NTRK3: variants seen among roughly 807,000 people sequenced by gnomAD.
NTRK3 encodes the protein neurotrophic receptor tyrosine kinase 3.
Under a neutral mutation model 91.7 loss-of-function variants are expected in NTRK3, and 24 were observed. The observed-to-expected ratio is 0.26, with a 90% confidence interval of 0.19 to 0.37. The LOEUF (loss-of-function observed/expected upper bound fraction) is 0.37, where lower values mean the gene tolerates loss of function less well. Ranked by LOEUF, NTRK3 falls within the 10% of genes least tolerant of loss-of-function variation. NTRK3 has a pLI of 1.00. For synonymous variants in NTRK3, 483 were observed against 404.0 expected (o/e 1.20, Z -2.34); for missense variants, 880 against 1,068.9 (o/e 0.82, Z 2.46).
At chr15:87,981,269 T>C (rs903138367) in intron 14 of NTRK3, 11 of 1,592,230 alleles carry the variant, frequency 6.9e-6, no homozygotes, top group Non-Finnish European at 8.6e-6. Flanking sequence ...GGACCTCAGG[T>C]TCCTCATATA....
At chr15:88,206,658 GAA>G (rs758639696) in intron 3 of NTRK3, among the ~76,000 whole-genome samples, 614 of 59,580 alleles carry the variant, frequency 0.01, 5 homozygotes, top group African/African-American at 0.03. Context: ...ACTCCGTCTC[GAA>G]AAAAAAAAAA....
chr15:88,187,046 A>G (rs2047002437), intron 3 of NTRK3, among the ~76,000 whole-genome samples: 1 of 152,234 alleles, frequency 6.6e-6, no homozygotes, highest in Admixed American at 6.5e-5. Context: ...AGTGTGGGGC[A>G]CATGTAAGTT....
intron 5 of NTRK3, among the ~76,000 whole-genome samples, chr15:88,156,762 G>T (rs1368163120): frequency 6.6e-6 from 1 of 152,182 alleles, no homozygotes; most frequent in Non-Finnish European, 1.5e-5. Context: ...AGCTGTGCCT[G>T]TGTTGGCCTC....
At chr15:88,061,580 A>T (rs894703745) in intron 13 of NTRK3, among the ~76,000 whole-genome samples, 6 of 152,244 alleles carry the variant, frequency 3.9e-5, no homozygotes, top group Admixed American at 6.5e-5. Context: ...GCCTGGCTGG[A>T]GAGGATGGGC....
At position 87,969,231 on chromosome 15, in the gene NTRK3, C is replaced by T. The variant is rs191450000; in HGVS notation, c.1586-28478G>A. Reference sequence around the variant, plus strand: ...CTTCCCACTCATATCAGAGCAGGGGCCTTCCGAATCCCTGCTTGAAGAGGC... The same window carrying T: ...CTTCCCACTCATATCAGAGCAGGGGTCTTCCGAATCCCTGCTTGAAGAGGC... On this transcript the variant is annotated intron_variant, in intron 14 of 18. Coordinates refer to ENST00000394480, the Ensembl canonical transcript of NTRK3. Among the ~76,000 whole-genome samples the T allele has an allele frequency of 3.6e-4, 55 of 152,252 alleles. 2 individuals carry two copies. In the East Asian group the frequency reaches 0.01, roughly 29 times the overall value.
chr15:88,026,095 C>A (rs1027236208), intron 14 of NTRK3, among the ~76,000 whole-genome samples: 2 of 152,080 alleles, frequency 1.3e-5, no homozygotes, highest in African/African-American at 4.8e-5. Flanking sequence ...CACGGTGAAA[C>A]CCCTTCTCTA....
intron 3 of NTRK3, among the ~76,000 whole-genome samples, chr15:88,205,623 G>A (rs904497924): frequency 5.3e-5 from 8 of 152,120 alleles, no homozygotes; most frequent in African/African-American, 1.2e-4. Context: ...CACACAGCCC[G>A]CTTCTGAACA....
chr15:88,129,832 T>C (rs759272012), intron 10 of NTRK3, among the ~76,000 whole-genome samples: 1 of 152,208 alleles, frequency 6.6e-6, no homozygotes, highest in African/African-American at 2.4e-5. Context: ...AAAATCCATA[T>C]ACAGAAACTG....
chr15:88,248,316 C>T (rs183102404), intron 3 of NTRK3, among the ~76,000 whole-genome samples: 23 of 152,296 alleles, frequency 1.5e-4, no homozygotes, highest in African/African-American at 4.6e-4. Flanking sequence ...AAAGCCTCCC[C>T]CACTACTAAG....
chr15:87,970,708 A>G (rs930837444), intron 14 of NTRK3, among the ~76,000 whole-genome samples: 1 of 152,178 alleles, frequency 6.6e-6, no homozygotes, highest in South Asian at 2.1e-4. Flanking sequence ...AAGTTCTCTG[A>G]TGGATCCTTG....
At chr15:87,915,867 A>T (rs1254924501) in intron 17 of NTRK3, among the ~76,000 whole-genome samples, 1 of 152,148 alleles carries the variant, frequency 6.6e-6, no homozygotes. Context: ...GAATTTAAGT[A>T]AATTTCCTAA....
Position 88,079,102 on chromosome 15 carries a change from G to A in NTRK3, c.1397-46057C>T, listed in dbSNP as rs548184948. Among the ~76,000 whole-genome samples the A allele has an allele frequency of 1.1e-4, 16 of 152,320 alleles. No homozygotes were observed. In the South Asian group the frequency reaches 1.7e-3, roughly 16 times the overall value. Reference sequence around the variant, plus strand: ...GATGTGGTGTTGGCGGAGGGGTGGCGTTTGCGGGCAGCCTTCACAGCTGTG... The same window carrying A: ...GATGTGGTGTTGGCGGAGGGGTGGCATTTGCGGGCAGCCTTCACAGCTGTG... On this transcript the variant is annotated intron_variant, in intron 13 of 18. Transcript: ENST00000394480.
At chr15:88,127,052 T>C (rs2053363702) in intron 12 of NTRK3, 110 bp downstream of exon 12, 3 of 978,246 alleles carry the variant, frequency 3.1e-6, no homozygotes, top group South Asian at 2.8e-5. Context: ...CATTACTTTT[T>C]TTTTTCAAAG....
At chr15:87,967,596 C>G (rs2072899945) in intron 14 of NTRK3, among the ~76,000 whole-genome samples, 1 of 152,166 alleles carries the variant, frequency 6.6e-6, no homozygotes, top group Non-Finnish European at 1.5e-5. Context: ...TAAATTCTCT[C>G]ATCCCATGCC....
intron 10 of NTRK3, among the ~76,000 whole-genome samples, chr15:88,133,600 C>T (rs1356501747): frequency 2.6e-5 from 4 of 152,188 alleles, no homozygotes; most frequent in African/African-American, 7.2e-5. Context: ...GGCAGGGCAA[C>T]GTTTCAGTCT....
At chr15:88,112,376 C>T (rs2051504575) in intron 13 of NTRK3, among the ~76,000 whole-genome samples, 1 of 152,228 alleles carries the variant, frequency 6.6e-6, no homozygotes, top group African/African-American at 2.4e-5. Context: ...ACCCATGTTG[C>T]TACCTGGCAA....
chr15:87,888,835 G>A (rs1209031519), intron 17 of NTRK3, among the ~76,000 whole-genome samples: 1 of 151,936 alleles, frequency 6.6e-6, no homozygotes, highest in East Asian at 1.9e-4. Context: ...GCAAAGTCTG[G>A]CAACTCTGGA....
chr15:87,919,325 A>G (rs1294669065), intron 17 of NTRK3, among the ~76,000 whole-genome samples: 1 of 152,170 alleles, frequency 6.6e-6, no homozygotes, highest in Non-Finnish European at 1.5e-5. Flanking sequence ...CCCAGGACTA[A>G]TATCCTCAGG....
At chr15:88,013,793 G>C (rs1293305465) in intron 14 of NTRK3, among the ~76,000 whole-genome samples, 1 of 152,142 alleles carries the variant, frequency 6.6e-6, no homozygotes, top group African/African-American at 2.4e-5. Flanking sequence ...ACTGAGCCCA[G>C]GTAGCAGGCG....
Sources: gnomAD v4.1 joint callset for allele counts (sites outside exome capture counted in the v4.1 genomes callset) on GRCh38, gnomAD v4.1.1 for gene constraint, MANE v1.5 for transcripts, NCBI Gene and HGNC (gene_info 2026-07-23, HGNC 2026-07-21) for gene names.